Variants in LDLRAD2 observed in about 807,000 individuals in gnomAD.
LDLRAD2 encodes the protein low density lipoprotein receptor class A domain containing 2.
In LDLRAD2, 25 loss-of-function variants were observed where a neutral mutation model predicts 24.9. That is an observed-to-expected ratio of 1.00 (90% confidence interval 0.73 to 1.40). The LOEUF (loss-of-function observed/expected upper bound fraction) is 1.40. Ranked by LOEUF, LDLRAD2 falls within the 40% of genes most tolerant of loss-of-function variation. The probability of loss-of-function intolerance (pLI) is 0.00; values close to 1 mark genes in which losing one functional copy is unlikely to be tolerated. For missense variants in LDLRAD2, 391 were observed against 366.2 expected, an observed-to-expected ratio of 1.07 and a Z score of -0.55; for synonymous variants, 182 against 166.7, an observed-to-expected ratio of 1.09 and a Z score of -0.71.
chr1:21,815,819 C>CTGCA, intron 2 of LDLRAD2, 124 bp from the exon 3 acceptor site: 1 of 1,120,794 alleles, frequency 8.9e-7, no homozygotes, highest in Non-Finnish European at 1.3e-6. Flanking sequence ...ATGTTCTCAT[C>CTGCA]TGCATGCATG....
At position 21,824,740 on chromosome 1, in the gene LDLRAD2, C is replaced by T; in HGVS notation, c.*2525C>T. On this transcript the variant is annotated 3_prime_UTR_variant, in exon 5 of 5. Coordinates refer to ENST00000344642, the MANE Select transcript of LDLRAD2 (RefSeq NM_001013693.3). This position sits in a 1 kb window ranked among gnomAD's most constrained non-coding sequence, Gnocchi z 5.9. The stretch of plus-strand genomic sequence containing the variant: ...GACATGGCCAGGGAAGGCGAGGAAG[C>T]CATCATCGTGGAAATAGGCTCCGTA... 6.2e-7 allele frequency: 1 copy of T among 1,613,656 alleles called. No individual in the cohort carries two copies. The highest frequency in any genetic ancestry group is 8.5e-7 in the Non-Finnish European group (1 of 1,179,868).
At chr1:21,817,157 C>CTCCAG (rs2097944777) in intron 3 of LDLRAD2, among the ~76,000 whole-genome samples, 1 of 152,120 alleles carries the variant, frequency 6.6e-6, no homozygotes, top group Admixed American at 6.6e-5. Context: ...TTTGAAAGCT[C>CTCCAG]TCCAGACTCT....
In LDLRAD2 at chr1:21,824,432, G is replaced by A. The variant is rs924446449; in HGVS notation, c.*2217G>A. On this transcript the variant is annotated 3_prime_UTR_variant, in exon 5 of 5. Coordinates refer to ENST00000344642, the MANE Select transcript of LDLRAD2 (RefSeq NM_001013693.3). The surrounding 1 kb of genome is among the most constrained non-coding windows in gnomAD (Gnocchi z 5.9). ...CCCAGCCTGGAGAGCAGAGGCTGCC[G>A]AGGCCAGGGGGCTCTGCTTTCCCCT... 7 of 1,604,668 alleles carry A rather than the reference G, an allele frequency of 4.4e-6. No individual in the cohort carries two copies. The South Asian group carries it at 5.5e-5, about 13-fold the overall frequency.
Position 21,814,764 on chromosome 1 carries a change from T to C in LDLRAD2, c.452T>C (p.Val151Ala), listed in dbSNP as rs1230268638. 6 of 1,496,310 alleles carry C rather than the reference T, an allele frequency of 4.0e-6. No individual in the cohort carries two copies. Among genetic ancestry groups the C allele is most frequent in the Non-Finnish European group, 5.3e-6 (6 of 1,127,782 alleles). 92.7% of individuals were successfully genotyped at this position (1,496,310 alleles called of 1,614,324 possible). A position where few individuals can be genotyped will look rare whatever the true frequency, so the allele number is the denominator to read the frequency against. Reference protein sequence around the residue: ...SSGPFLGLRLVTRGRQPRVDF... With the variant: ...SSGPFLGLRLATRGRQPRVDF... ...GGACCCTTTCTAGGCCTGCGCCTGG[T>C]CACGAGAGGCCGCCAGCCCCGCGTG... The change falls in exon 2 of 5, where the codon GTC becomes GCC. Residue 151 changes from valine to alanine, a missense_variant. Physicochemically the swap from Val to Ala is moderately conservative, Grantham distance 64. Transcript: ENST00000344642.
At position 21,824,817 on chromosome 1, in the gene LDLRAD2, T is replaced by G. The variant is rs55656321; in HGVS notation, c.*2602T>G. 7,555 of 1,570,898 alleles carry G rather than the reference T, an allele frequency of 4.8e-3. 58 individuals are homozygous for G. The highest frequency in any genetic ancestry group is 8.5e-3 in the African/African-American group (631 of 74,078). ...GGAGGGTGGTGCCATACCTGCTGCA[T>G]CAGGCATCAAAATCCCCCGTCAGTT... On this transcript the variant is annotated 3_prime_UTR_variant, in exon 5 of 5. Transcript: ENST00000344642. This position sits in a 1 kb window ranked among gnomAD's most constrained non-coding sequence, Gnocchi z 5.9.
chr1:21,821,512 C>A lies in LDLRAD2; in HGVS notation c.706C>A (p.Pro236Thr), dbSNP rs1557657911. The change falls in exon 4 of 5, where the codon CCC (proline) becomes ACC (threonine). Residue 236 changes from proline to threonine, a missense_variant. Coordinates refer to ENST00000344642, the MANE Select transcript of LDLRAD2 (RefSeq NM_001013693.3). ...TGCCCATACCTCCAGATCCCTGACT[C>A]CCTCCCCAGCTCTCGGGTCTGCAGG... ...TDAHTSRSLT[P>T]SPALGSAGSL... The A allele has an allele frequency of 6.2e-7, 1 of 1,614,116 alleles. No homozygotes were observed. Among genetic ancestry groups the A allele is most frequent in the South Asian group, 1.1e-5 (1 of 91,084 alleles).
Position 21,824,359 on chromosome 1 carries a change from G to C in LDLRAD2, c.*2144G>C. Reference sequence around the variant, plus strand: ...CGAGGCTGATGAAGTCCTTGCCTTGGCCGGCCTCTCCCACCTCCTGCCAGG... The same window carrying C: ...CGAGGCTGATGAAGTCCTTGCCTTGCCCGGCCTCTCCCACCTCCTGCCAGG... On this transcript the variant is annotated 3_prime_UTR_variant, in exon 5 of 5. Transcript: ENST00000344642. This position sits in a 1 kb window ranked among gnomAD's most constrained non-coding sequence, Gnocchi z 5.9. 1 of 1,613,826 alleles carries C rather than the reference G, an allele frequency of 6.2e-7. No homozygotes were observed. The highest frequency in any genetic ancestry group is 1.1e-5 in the South Asian group (1 of 91,088).
At chr1:21,814,872 G>T (rs752998384) in intron 2 of LDLRAD2, 49 bp downstream of exon 2, 1 of 1,408,044 alleles carries the variant, frequency 7.1e-7, no homozygotes, top group East Asian at 2.7e-5. Context: ...GAGGCCATGC[G>T]GGACTGGGGC....
Position 21,824,969 on chromosome 1 carries a change from C to T in LDLRAD2, c.*2754C>T, listed in dbSNP as rs1305041565. 3 of 633,582 alleles carry T rather than the reference C, an allele frequency of 4.7e-6. No individual in the cohort carries two copies. The African/African-American group carries it at 5.5e-5, about 12-fold the overall frequency. 39.2% of individuals were successfully genotyped at this position (633,582 alleles called of 1,614,324 possible). ...TGACCTTGGATGGGAAAGCATTACA[C>T]CTCAATTTCACTCACTTCTCACTGA... On this transcript the variant is annotated 3_prime_UTR_variant, in exon 5 of 5. Coordinates refer to ENST00000344642, the MANE Select transcript of LDLRAD2 (RefSeq NM_001013693.3). The surrounding 1 kb of genome is among the most constrained non-coding windows in gnomAD (Gnocchi z 5.9).
In LDLRAD2 at chr1:21,814,615, G is replaced by T. The variant is rs757341187; in HGVS notation, c.303G>T (p.Pro101=). ...CCCCGGCGCTCAACACCTCCTCCCC[G>T]GCCCCGGCCGACCCGTGCGCCCCCG... ...PAPPALNTSS[P]APADPCAPGS... The change falls in exon 2 of 5, where the codon CCG becomes CCT. Residue 101 remains proline (P), a synonymous_variant. Coordinates refer to ENST00000344642, the MANE Select transcript of LDLRAD2 (RefSeq NM_001013693.3). The T allele has an allele frequency of 8.1e-6, 13 of 1,609,880 alleles. No individual in the cohort carries two copies. The African/African-American group carries it at 1.2e-4, about 15-fold the overall frequency.
intron 1 of LDLRAD2, among the ~76,000 whole-genome samples, chr1:21,812,989 T>C (rs1367455850): frequency 1.3e-5 from 2 of 152,240 alleles, no homozygotes; most frequent in Admixed American, 1.3e-4. Context: ...TCATAATACC[T>C]GGCACATAAA....
Position 21,824,545 on chromosome 1 carries a change from G to A in LDLRAD2, c.*2330G>A. 6.2e-7 allele frequency: 1 copy of A among 1,613,514 alleles called. No homozygotes were observed. Among genetic ancestry groups the A allele is most frequent in the Non-Finnish European group, 8.5e-7 (1 of 1,179,992 alleles). On this transcript the variant is annotated 3_prime_UTR_variant, in exon 5 of 5. Coordinates refer to ENST00000344642, the MANE Select transcript of LDLRAD2 (RefSeq NM_001013693.3). This position sits in a 1 kb window ranked among gnomAD's most constrained non-coding sequence, Gnocchi z 5.9. ...CGGATACCCACACTCACCACACCCT[G>A]CCAGAGCAGGAGGCCACTGGCTGTG...
At chr1:21,818,474 G>T (rs1260090567) in intron 3 of LDLRAD2, among the ~76,000 whole-genome samples, 2 of 152,188 alleles carry the variant, frequency 1.3e-5, no homozygotes, top group Admixed American at 6.5e-5. Flanking sequence ...CTTTTCTCAT[G>T]AAAAGACTAG....
chr1:21,814,715 A>G lies in LDLRAD2; in HGVS notation c.403A>G (p.Ile135Val), dbSNP rs772131221. ...GGGGTCCCCACTGTGCGGCCTGAAC[A>G]TCCCGGTGCCTGTGGCATCCTCCGG... is the stretch of plus-strand genomic sequence containing the variant. ...PLGSPLCGLNIPVPVASSGPF... is the reference protein window; with the variant it reads ...PLGSPLCGLNVPVPVASSGPF... Residue 135 changes from isoleucine (I) to valine (V), a missense_variant, in exon 2 of 5, where the codon ATC (isoleucine) becomes GTC (valine). Physicochemically the swap from Ile to Val is conservative, Grantham distance 29 (BLOSUM62 3). Coordinates refer to ENST00000344642, the MANE Select transcript of LDLRAD2 (RefSeq NM_001013693.3). 6.4e-7 allele frequency: 1 copy of G among 1,558,072 alleles called. No individual in the cohort carries two copies. The highest frequency in any genetic ancestry group is 8.7e-7 in the Non-Finnish European group (1 of 1,153,006).
intron 2 of LDLRAD2, among the ~76,000 whole-genome samples, chr1:21,815,159 A>G (rs1270895873): frequency 6.6e-6 from 1 of 152,090 alleles, no homozygotes; most frequent in Non-Finnish European, 1.5e-5. Context: ...CAACTCCCAC[A>G]CGTTCACACC....
Position 21,812,374 on chromosome 1 carries a change from C to G in LDLRAD2, c.-78C>G, listed in dbSNP as rs1055681865. ...GCCTCCCTGCTGGCCTGACCAGGCC[C>G]CATACTCCAGTCTCCCCAGAGACCC... On this transcript the variant is annotated 5_prime_UTR_variant, in exon 1 of 5. Coordinates refer to ENST00000344642, the MANE Select transcript of LDLRAD2 (RefSeq NM_001013693.3). 7.7e-6 allele frequency: 9 copies of G among 1,171,824 alleles called. No individual in the cohort carries two copies. In the African/African-American group the frequency reaches 1.4e-4, roughly 18 times the overall value. 72.6% of individuals were successfully genotyped at this position (1,171,824 alleles called of 1,614,324 possible). A position where few individuals can be genotyped will look rare whatever the true frequency, so the allele number is the denominator to read the frequency against.
chr1:21,813,594 A>G (rs1433291019), intron 1 of LDLRAD2, among the ~76,000 whole-genome samples: 1 of 152,170 alleles, frequency 6.6e-6, no homozygotes, highest in African/African-American at 2.4e-5. Context: ...TCCTCACAAC[A>G]ACCCTGTACC....
Position 21,813,877 on chromosome 1 carries a change from T to C in LDLRAD2, c.86-521T>C, listed in dbSNP as rs61777190. On this transcript the variant is annotated intron_variant, in intron 1 of 4. Transcript: ENST00000344642. ...TTATCACACAGCTCTCCCCCTCCCC[T>C]TTTTTTTTTTTGGTGACGGAGTCTC... is the stretch of plus-strand genomic sequence containing the variant. Among the ~76,000 whole-genome samples, 85 of 12,190 alleles carry C rather than the reference T, an allele frequency of 7.0e-3. No individual in the cohort carries two copies. The East Asian group carries it at 0.31, about 45-fold the overall frequency. 8.0% of individuals were successfully genotyped at this position (12,190 alleles called of 152,430 possible). A position where few individuals can be genotyped will look rare whatever the true frequency, so the allele number is the denominator to read the frequency against.
At position 21,822,336 on chromosome 1, in the gene LDLRAD2, C is replaced by A; in HGVS notation, c.*121C>A. ...ACAGAGGCCAGGCGTCCCAACCCCA[C>A]AGTCTGGGGGCCACTGGCAGGATGG... On this transcript the variant is annotated 3_prime_UTR_variant, in exon 5 of 5. Transcript: ENST00000344642. The A allele has an allele frequency of 1.0e-6, 1 of 981,982 alleles. No individual in the cohort carries two copies. The highest frequency in any genetic ancestry group is 1.6e-6 in the Non-Finnish European group (1 of 626,834). The allele number at this position is 981,982 out of a possible 1,614,324, so 60.8% of individuals were successfully genotyped here. A position where few individuals can be genotyped will look rare whatever the true frequency, so the allele number is the denominator to read the frequency against.
Sources: allele counts gnomAD v4.1 joint callset (sites outside exome capture counted in the v4.1 genomes callset), GRCh38; gene constraint gnomAD v4.1.1; non-coding constraint Gnocchi (gnomAD v3.1); transcripts MANE v1.5; gene names NCBI Gene and HGNC (gene_info 2026-07-23, HGNC 2026-07-21).